The following DNAH6 variants were observed in gnomAD, a reference collection of about 807,000 sequenced individuals.
The protein encoded by DNAH6 is axonemal beta dynein heavy chain 6.
In DNAH6, 340 loss-of-function variants were observed where a neutral mutation model predicts 491.4. The ratio of observed to expected loss-of-function variants is 0.69; its 90% CI spans 0.63 to 0.76. DNAH6 has a LOEUF of 0.76. Ranked by LOEUF, DNAH6 falls within the 30% of genes least tolerant of loss-of-function variation. The pLI is 0.00. For synonymous variants in DNAH6, 1,603 were observed against 1,686.1 expected (o/e 0.95, Z 1.21); for missense variants, 4,443 against 4,972.2 (o/e 0.89, Z 3.20).
chr2:84,712,551 G>A (rs1203076158), intron 56 of DNAH6, among the ~76,000 whole-genome samples: 1 of 152,228 alleles, frequency 6.6e-6, no homozygotes, highest in African/African-American at 2.4e-5. Context: ...AAATGTTTCA[G>A]TTTTTGCAGG....
Position 84,697,691 on chromosome 2 carries a change from A to C in DNAH6, c.7641A>C (p.Ala2547=), listed in dbSNP as rs1212216343. 6.4e-7 allele frequency: 1 copy of C among 1,551,948 alleles called. No individual in the cohort carries two copies. The highest frequency in any genetic ancestry group is 8.7e-7 in the Non-Finnish European group (1 of 1,147,036). Residue 2547 remains alanine, a synonymous_variant, in exon 47 of 77, where the codon GCA becomes GCC. Coordinates refer to ENST00000389394, the MANE Select transcript of DNAH6 (RefSeq NM_001370.2). ...EQVLAATRPR[A]KEVGISEGNR... is the part of the protein sequence containing the mutation. ...TTTTAGCGGCCACCAGACCAAGAGC[A>C]AAAGAAGTAGGAATTTCTGAGGGGA... is the stretch of plus-strand genomic sequence containing the variant.
chr2:84,707,324 C>T (rs990859570), intron 53 of DNAH6, among the ~76,000 whole-genome samples, 196 bp from the exon 54 acceptor site: 3 of 151,984 alleles, frequency 2.0e-5, no homozygotes, highest in East Asian at 1.9e-4. Flanking sequence ...AAAGAGTTTT[C>T]GATAAGGAAA....
At position 84,658,350 on chromosome 2, in the gene DNAH6, G is replaced by T. The variant is rs867834410; in HGVS notation, c.5816G>T (p.Gly1939Val). The T allele has an allele frequency of 1.3e-6, 2 of 1,547,606 alleles. No homozygotes were observed. Among genetic ancestry groups the T allele is most frequent in the South Asian group, 2.4e-5 (2 of 83,308 alleles). ...LNLFQRYVDE[G>V]LHFINKKCSQ... ...CTTTTCCAACGTTATGTTGATGAAG[G>T]TTTACATTTTATCAATAAAAAGTGC... The change falls in exon 36 of 77, where the codon GGT becomes GTT. Residue 1939 changes from glycine to valine, a missense_variant. Gly to Val is a moderately radical substitution (Grantham distance 109, BLOSUM62 -3). Coordinates refer to ENST00000389394, the MANE Select transcript of DNAH6 (RefSeq NM_001370.2).
chr2:84,630,162 A>G (rs1392605940), intron 29 of DNAH6, among the ~76,000 whole-genome samples: 1 of 152,164 alleles, frequency 6.6e-6, no homozygotes, highest in East Asian at 1.9e-4. Flanking sequence ...TTATAGAATA[A>G]TCACAACTAA....
At chr2:84,524,386 C>T (rs992686777) in intron 2 of DNAH6, among the ~76,000 whole-genome samples, 2 of 151,850 alleles carry the variant, frequency 1.3e-5, no homozygotes, top group Admixed American at 1.3e-4. Context: ...ATCATTGGGT[C>T]TTGTTTTTTT....
intron 37 of DNAH6, among the ~76,000 whole-genome samples, chr2:84,669,077 C>A (rs755493762): frequency 6.6e-6 from 1 of 152,044 alleles, no homozygotes; most frequent in Non-Finnish European, 1.5e-5. Flanking sequence ...TTAATATAAT[C>A]GGTATAACAG....
At chr2:84,632,034 AG>A (rs1411846991) in intron 29 of DNAH6, among the ~76,000 whole-genome samples, 1 of 152,184 alleles carries the variant, frequency 6.6e-6, no homozygotes, top group African/African-American at 2.4e-5. Flanking sequence ...GTCTGACTAC[AG>A]GTATGTCCTG....
At chr2:84,602,984 C>G (rs1685410995) in intron 18 of DNAH6, among the ~76,000 whole-genome samples, 2 of 152,076 alleles carry the variant, frequency 1.3e-5, no homozygotes, top group East Asian at 3.9e-4. Flanking sequence ...TTCCACCTCT[C>G]TGTTGACATT....
intron 11 of DNAH6, among the ~76,000 whole-genome samples, chr2:84,558,226 G>T (rs1680259485): frequency 6.6e-6 from 1 of 151,994 alleles, no homozygotes; most frequent in Non-Finnish European, 1.5e-5. Flanking sequence ...AGGAGATCGA[G>T]ACCATCCTGG....
chr2:84,642,110 A>C (rs1689472537), intron 33 of DNAH6, 56 bp downstream of exon 33: 2 of 1,117,218 alleles, frequency 1.8e-6, no homozygotes, highest in East Asian at 2.6e-5. Context: ...GGCAAATGGT[A>C]GTCTTTTCTT....
intron 64 of DNAH6, chr2:84,777,489 C>T: frequency 2.9e-6 from 2 of 696,818 alleles, no homozygotes; most frequent in Non-Finnish European, 5.3e-6. Context: ...GCCAAATCTG[C>T]CACAGAGGGT....
chr2:84,570,582 T>C (rs1450260324), intron 11 of DNAH6, among the ~76,000 whole-genome samples: 2 of 152,136 alleles, frequency 1.3e-5, no homozygotes, highest in Non-Finnish European at 2.9e-5. Context: ...GGATTATAAA[T>C]GCACCAATCA....
intron 34 of DNAH6, among the ~76,000 whole-genome samples, chr2:84,654,342 T>C (rs1690744597): frequency 6.6e-6 from 1 of 152,078 alleles, no homozygotes; most frequent in Non-Finnish European, 1.5e-5. Flanking sequence ...ATGTCTAGTA[T>C]GTGCTAGGGA....
chr2:84,490,772 T>A, the DNAH6 span, among the ~76,000 whole-genome samples: 1 of 151,972 alleles, frequency 6.6e-6, no homozygotes, highest in Admixed American at 6.6e-5. Flanking sequence ...ATGTTGGCCA[T>A]GCTGGTCTCA....
chr2:84,679,642 A>T (rs776501815), intron 41 of DNAH6, among the ~76,000 whole-genome samples: 7 of 152,264 alleles, frequency 4.6e-5, no homozygotes, highest in Non-Finnish European at 7.3e-5. Flanking sequence ...CAAACAGATC[A>T]TGTAAGCCAG....
intron 11 of DNAH6, among the ~76,000 whole-genome samples, chr2:84,573,216 G>A (rs917435941): frequency 6.6e-6 from 1 of 152,196 alleles, no homozygotes; most frequent in Non-Finnish European, 1.5e-5. Context: ...TTTCCTTTCA[G>A]TCACAGGAAT....
intron 26 of DNAH6, among the ~76,000 whole-genome samples, chr2:84,622,039 C>G (rs11904310): frequency 0.042 from 6,417 of 152,268 alleles, 444 homozygotes; most frequent in African/African-American, 0.15. Context: ...CTGGGAAATG[C>G]TATTTTGCTA....
At chr2:84,787,389 C>T in intron 68 of DNAH6, 87 bp downstream of exon 68, 2 of 1,026,660 alleles carry the variant, frequency 1.9e-6, no homozygotes, top group Non-Finnish European at 2.8e-6. Flanking sequence ...AAGATGGTGT[C>T]CTCCCCCAGT....
At chr2:84,520,453 A>G (rs902709303) in intron 2 of DNAH6, among the ~76,000 whole-genome samples, 5 of 152,116 alleles carry the variant, frequency 3.3e-5, no homozygotes, top group African/African-American at 1.2e-4. Flanking sequence ...TCAGGGGTAT[A>G]TGTACAGATT....
Sources: gnomAD v4.1 joint callset for allele counts (sites outside exome capture counted in the v4.1 genomes callset) on GRCh38, gnomAD v4.1.1 for gene constraint, MANE v1.5 for transcripts, NCBI Gene and HGNC (gene_info 2026-07-23, HGNC 2026-07-21) for gene names.